Variants in GAB2 observed in about 807,000 individuals in gnomAD.
GAB2 encodes the protein GRB2 associated binding protein 2.
In GAB2, 26 loss-of-function variants were observed where a neutral mutation model predicts 65.5. That is an observed-to-expected ratio of 0.40 (90% CI 0.29 to 0.55). The LOEUF (loss-of-function observed/expected upper bound fraction) is 0.55, where lower values mean the gene tolerates loss of function less well. Among genes scored for constraint, GAB2 ranks in the 20% least tolerant of loss-of-function variants. The probability of loss-of-function intolerance (pLI) is 0.53; values close to 1 mark genes in which losing one functional copy is unlikely to be tolerated. For synonymous variants in GAB2, 321 were observed against 329.6 expected (o/e 0.97, Z 0.28); for missense variants, 884 against 875.8 (o/e 1.01, Z -0.12).
At chr11:78,338,700 A>G (rs1319277527) in intron 1 of GAB2, among the ~76,000 whole-genome samples, 1 of 152,208 alleles carries the variant, frequency 6.6e-6, no homozygotes, top group African/African-American at 2.4e-5. Context: ...CAAAAAAACC[A>G]GATATCTTAA....
intron 1 of GAB2, among the ~76,000 whole-genome samples, chr11:78,327,160 C>T (rs772906211): frequency 2.0e-5 from 3 of 152,136 alleles, no homozygotes; most frequent in Non-Finnish European, 4.4e-5. Flanking sequence ...CTCAATAAAT[C>T]GGTATCTGGG....
chr11:78,221,265 A>C (rs1468853704), intron 8 of GAB2, among the ~76,000 whole-genome samples: 1 of 152,226 alleles, frequency 6.6e-6, no homozygotes, highest in East Asian at 1.9e-4. Flanking sequence ...GGGAAGAAAT[A>C]TCCTCCTCTG....
At chr11:78,282,055 C>T (rs1252123854) in intron 1 of GAB2, among the ~76,000 whole-genome samples, 1 of 152,198 alleles carries the variant, frequency 6.6e-6, no homozygotes, top group Non-Finnish European at 1.5e-5. Flanking sequence ...CTGTCTTGTT[C>T]ATTGATGTTT....
chr11:78,317,558 C>CAAAAAAAAAAAAAAAAA (rs370515492), intron 1 of GAB2, among the ~76,000 whole-genome samples: 1 of 60,806 alleles, frequency 1.6e-5, no homozygotes, highest in Non-Finnish European at 3.2e-5. Context: ...GACTCCGTCT[C>CAAAAAAAAAAAAAAAAA]AAAAAAAAAA....
chr11:78,270,836 A>G (rs867974404), intron 2 of GAB2, among the ~76,000 whole-genome samples: 7 of 152,358 alleles, frequency 4.6e-5, no homozygotes, highest in Non-Finnish European at 8.8e-5. Context: ...TTACCTGTGC[A>G]ACCTCCCAAC....
intron 2 of GAB2, among the ~76,000 whole-genome samples, chr11:78,266,840 CCT>C (rs977828281): frequency 1.3e-4 from 20 of 152,180 alleles, no homozygotes; most frequent in Non-Finnish European, 2.9e-4. Flanking sequence ...TTCTCTAACC[CCT>C]GTCCACTGGC....
At chr11:78,278,359 C>T (rs776419975) in intron 2 of GAB2, among the ~76,000 whole-genome samples, 2 of 150,026 alleles carry the variant, frequency 1.3e-5, no homozygotes, top group East Asian at 2.0e-4. Flanking sequence ...CGTGAGTCAC[C>T]GTGCCCAGTC....
At chr11:78,364,321 A>G (rs1856470693) in intron 1 of GAB2, among the ~76,000 whole-genome samples, 1 of 152,170 alleles carries the variant, frequency 6.6e-6, no homozygotes. Flanking sequence ...TTGCTTCTCT[A>G]CACTCCTTCC....
intron 1 of GAB2, among the ~76,000 whole-genome samples, chr11:78,297,851 C>G (rs1049702984): frequency 6.6e-6 from 1 of 151,974 alleles, no homozygotes; most frequent in Non-Finnish European, 1.5e-5. Context: ...AACATACATA[C>G]AACCACATAA....
intron 1 of GAB2, among the ~76,000 whole-genome samples, chr11:78,400,025 A>C (rs1331732650): frequency 6.6e-6 from 1 of 152,118 alleles, no homozygotes; most frequent in Non-Finnish European, 1.5e-5. Context: ...TGAGGGAAAG[A>C]CTCACTGAGT....
chr11:78,265,053 G>A (rs1252687308), intron 2 of GAB2, among the ~76,000 whole-genome samples: 1 of 151,934 alleles, frequency 6.6e-6, no homozygotes, highest in African/African-American at 2.4e-5. Flanking sequence ...TGTGAAGAAT[G>A]TCTTATTTCT....
intron 1 of GAB2, among the ~76,000 whole-genome samples, chr11:78,288,580 A>G (rs1427534660): frequency 1.3e-5 from 2 of 152,192 alleles, no homozygotes; most frequent in Non-Finnish European, 2.9e-5. Flanking sequence ...ATACAATGCC[A>G]TTTATAATTG....
intron 1 of GAB2, among the ~76,000 whole-genome samples, chr11:78,310,469 T>C (rs1400832545): frequency 7.0e-6 from 1 of 142,928 alleles, no homozygotes; most frequent in East Asian, 2.0e-4. Flanking sequence ...GCCAAGATCG[T>C]GCCACTTGCA....
chr11:78,262,962 T>A (rs904318325), intron 2 of GAB2, among the ~76,000 whole-genome samples: 1 of 152,226 alleles, frequency 6.6e-6, no homozygotes. Flanking sequence ...TATGGCTGCA[T>A]ATATACTACA....
At chr11:78,406,125 C>T (rs899041754) in intron 1 of GAB2, among the ~76,000 whole-genome samples, 1 of 152,156 alleles carries the variant, frequency 6.6e-6, no homozygotes, top group African/African-American at 2.4e-5. Flanking sequence ...TAATAAGGCA[C>T]CCATCCCTGT....
At chr11:78,285,637 T>C (rs1866458625) in intron 1 of GAB2, among the ~76,000 whole-genome samples, 1 of 152,150 alleles carries the variant, frequency 6.6e-6, no homozygotes, top group African/African-American at 2.4e-5. Context: ...CCAGCTAATT[T>C]TGTATTTTTA....
chr11:78,349,827 T>A (rs116305402), intron 1 of GAB2, among the ~76,000 whole-genome samples: 1 of 152,018 alleles, frequency 6.6e-6, no homozygotes, highest in African/African-American at 2.4e-5. Context: ...TTGTTAACTT[T>A]TGGCTCCTCC....
chr11:78,402,981 A>C (rs1856994039), intron 1 of GAB2, among the ~76,000 whole-genome samples: 1 of 152,198 alleles, frequency 6.6e-6, no homozygotes, highest in Admixed American at 6.5e-5. Context: ...AGACATTATA[A>C]AAGAAACCCT....
chr11:78,302,676 G>C (rs933871426), intron 1 of GAB2, among the ~76,000 whole-genome samples: 5 of 152,046 alleles, frequency 3.3e-5, no homozygotes, highest in African/African-American at 1.2e-4. Context: ...CCCACTACTG[G>C]GTATCTACCC....
Sources: allele counts gnomAD v4.1 joint callset (sites outside exome capture counted in the v4.1 genomes callset), GRCh38; gene constraint gnomAD v4.1.1; transcripts MANE v1.5; gene names NCBI Gene and HGNC (gene_info 2026-07-23, HGNC 2026-07-21).